The following MATN2 variants were observed in gnomAD, a reference collection of about 807,000 sequenced individuals.
MATN2 encodes matrilin-2.
Under a neutral mutation model 103.2 loss-of-function variants are expected in MATN2, and 69 were observed. The ratio of observed to expected loss-of-function variants is 0.67; its 90% CI spans 0.55 to 0.82. The LOEUF (loss-of-function observed/expected upper bound fraction) is 0.82. MATN2 is among the 40% of genes least tolerant of loss of function. The pLI is 0.00. For synonymous variants in MATN2, 429 were observed against 450.2 expected, an observed-to-expected ratio of 0.95 and a Z score of 0.60; for missense variants, 1,023 against 1,211.5, an observed-to-expected ratio of 0.84 and a Z score of 2.31.
chr8:97,992,745 C>CAAAAAAAAAAAAAAAA lies in MATN2; in HGVS notation c.1082-1725_1082-1710dup, dbSNP rs58985201. On this transcript the variant is annotated intron_variant, in intron 6 of 18. Coordinates refer to ENST00000254898, the MANE Select transcript of MATN2 (RefSeq NM_002380.5). Reference sequence around the variant, plus strand: ...TGGGTGTTAGAGTGAGACTCCATCTCAAAAAAAAAAAAAAAAAAAAAAAAA... The same window carrying CAAAAAAAAAAAAAAAA: ...TGGGTGTTAGAGTGAGACTCCATCTCAAAAAAAAAAAAAAAAAAAAAAAAAAAAAAAAAAAAAAAAA... 1.7e-3 allele frequency among the ~76,000 whole-genome samples: 86 copies of CAAAAAAAAAAAAAAAA among 49,574 alleles called. 2 individuals are homozygous for CAAAAAAAAAAAAAAAA. The highest frequency in any genetic ancestry group is 5.4e-3 in the African/African-American group (60 of 11,018). The allele number at this position is 49,574 out of a possible 152,430, so 32.5% of individuals were successfully genotyped here.
In MATN2 at chr8:97,887,999, C is replaced by G. The variant is rs970412453; in HGVS notation, c.-26-76C>G. On this transcript the variant is annotated intron_variant, in intron 1 of 18. Transcript: ENST00000254898. ...TTTGAACTCTGAAAAGGCGGGGCAG[C>G]GGGCCTGCAGCTCCTGGAGTTCAGG... The G allele has an allele frequency of 4.3e-6, 6 of 1,387,078 alleles. No homozygotes were observed. In the African/African-American group the frequency reaches 7.4e-5, roughly 17 times the overall value. The allele number at this position is 1,387,078 out of a possible 1,614,324, so 85.9% of individuals were successfully genotyped here.
At chr8:97,928,287 C>G (rs190538519) in intron 2 of MATN2, among the ~76,000 whole-genome samples, 139 of 142,566 alleles carry the variant, frequency 9.7e-4, no homozygotes, top group Non-Finnish European at 1.3e-3. Flanking sequence ...AGTGCAGTGG[C>G]GCCATCTCAG....
rs1810167820 is a variant in MATN2 at position 97,931,024 on chromosome 8, G to C, written c.214G>C (p.Asp72His). 2 of 1,614,012 alleles carry C rather than the reference G, an allele frequency of 1.2e-6. No individual in the cohort carries two copies. The highest frequency in any genetic ancestry group is 1.7e-6 in the Non-Finnish European group (2 of 1,179,890). The change falls in exon 3 of 19, where the codon GAC becomes CAC. Residue 72 changes from aspartate (D) to histidine (H), a missense_variant. Physicochemically the swap from Asp to His is moderately conservative, Grantham distance 81. Transcript: ENST00000254898. This position sits in a 1 kb window ranked among gnomAD's most constrained non-coding sequence, Gnocchi z 4.1. Reference sequence around the variant, plus strand: ...CAGCTCTCGCAGTGTCAACACCCATGACTATGCAAAGGTCAAGGAGTTCAT... The same window carrying C: ...CAGCTCTCGCAGTGTCAACACCCATCACTATGCAAAGGTCAAGGAGTTCAT... ...IDSSRSVNTH[D>H]YAKVKEFIVD... is the part of the protein sequence containing the mutation.
At chr8:97,918,212 C>A (rs1034153129) in intron 2 of MATN2, among the ~76,000 whole-genome samples, 1 of 152,186 alleles carries the variant, frequency 6.6e-6, no homozygotes, top group Non-Finnish European at 1.5e-5. Context: ...TTGTGCCTAT[C>A]GAATAATAAT....
At position 97,945,715 on chromosome 8, in the gene MATN2, A is replaced by ATATATATAT. The variant is rs554472078; in HGVS notation, c.835+3816_835+3817insTATATATAT. Among the ~76,000 whole-genome samples the ATATATATAT allele has an allele frequency of 3.8e-3, 270 of 71,738 alleles. 1 individual carries two copies. Among genetic ancestry groups the ATATATATAT allele is most frequent in the Admixed American group, 6.9e-3 (42 of 6,060 alleles). 47.1% of individuals were successfully genotyped at this position (71,738 alleles called of 152,430 possible). On this transcript the variant is annotated intron_variant, in intron 4 of 18. Transcript: ENST00000254898. Reference sequence around the variant, plus strand: ...CACATACACACTATAGAAAAAAAAAAAAATATATATATATATATATAATCT... The same window carrying ATATATATAT: ...CACATACACACTATAGAAAAAAAAAATATATATATAAATATATATATATATATATAATCT...
intron 6 of MATN2, among the ~76,000 whole-genome samples, chr8:97,992,579 C>A (rs2130350194): frequency 6.6e-6 from 1 of 151,662 alleles, no homozygotes; most frequent in African/African-American, 2.4e-5. Flanking sequence ...AACCCCATCT[C>A]CACTAAAAAT....
intron 13 of MATN2, 45 bp downstream of exon 13, chr8:98,021,372 G>T: frequency 6.3e-7 from 1 of 1,597,406 alleles, no homozygotes; most frequent in South Asian, 1.1e-5. Context: ...TTGTTTTGGA[G>T]CAACTGCTTT....
intron 2 of MATN2, among the ~76,000 whole-genome samples, chr8:97,917,332 T>C (rs2130094014): frequency 6.6e-6 from 1 of 152,318 alleles, no homozygotes; most frequent in East Asian, 1.9e-4. Context: ...TGTTCAAGGG[T>C]ACGCAGAGCA....
intron 1 of MATN2, among the ~76,000 whole-genome samples, chr8:97,877,580 C>T (rs150713258): frequency 1.3e-5 from 2 of 151,866 alleles, no homozygotes; most frequent in African/African-American, 2.4e-5. Flanking sequence ...CTCAGCCTCC[C>T]GAAGTGCTGG....
Position 97,964,140 on chromosome 8 carries a change from G to A in MATN2, c.958+2610G>A, listed in dbSNP as rs572256553. 2.6e-5 allele frequency among the ~76,000 whole-genome samples: 4 copies of A among 152,308 alleles called. No homozygotes were observed. The East Asian group carries it at 7.7e-4, about 29-fold the overall frequency. ...AGCATTAGGGCTAAGTCTGGCCTAG[G>A]AGTGGCAGGGCCAGCTCCTGGGAGC... On this transcript the variant is annotated intron_variant, in intron 5 of 18. Transcript: ENST00000254898.
chr8:97,931,344 C>T lies in MATN2; in HGVS notation c.534C>T (p.Ala178=), dbSNP rs577516271. The T allele has an allele frequency of 3.0e-5, 48 of 1,613,830 alleles. No homozygotes were observed. In the East Asian group the frequency reaches 4.0e-4, roughly 13 times the overall value. The change falls in exon 3 of 19, where the codon GCC becomes GCT. Residue 178 remains alanine, a synonymous_variant. Coordinates refer to ENST00000254898, the MANE Select transcript of MATN2 (RefSeq NM_002380.5). This position sits in a 1 kb window ranked among gnomAD's most constrained non-coding sequence, Gnocchi z 4.1. ...VTDGRPQDSV[A]EVAAKARDTG... ...ATGGGAGACCTCAGGACTCCGTGGC[C>T]GAGGTGGCTGCTAAGGCACGGGACA...
In MATN2 at chr8:97,967,568, C is replaced by A. The variant is rs550550537; in HGVS notation, c.958+6038C>A. Among the ~76,000 whole-genome samples, 31 of 152,330 alleles carry A rather than the reference C, an allele frequency of 2.0e-4. No individual in the cohort carries two copies. The East Asian group carries it at 5.4e-3, about 27-fold the overall frequency. On this transcript the variant is annotated intron_variant, in intron 5 of 18. Transcript: ENST00000254898. ...GCAATAGGACCATACAACTTTGAAACCCAGAAGGGCAGCCATTACATTTTA... is the reference window on the plus strand; with the variant it reads ...GCAATAGGACCATACAACTTTGAAAACCAGAAGGGCAGCCATTACATTTTA...
At chr8:97,987,360 C>G (rs1246147754) in intron 6 of MATN2, among the ~76,000 whole-genome samples, 2 of 152,138 alleles carry the variant, frequency 1.3e-5, no homozygotes, top group African/African-American at 4.8e-5. Context: ...GGGTGATGCG[C>G]TGATCTGTGC....
At chr8:97,886,148 T>C (rs1307237576) in intron 1 of MATN2, among the ~76,000 whole-genome samples, 2 of 152,186 alleles carry the variant, frequency 1.3e-5, no homozygotes, top group Non-Finnish European at 2.9e-5. Flanking sequence ...TAATGCCTGA[T>C]GACCTGTCAC....
At chr8:97,988,171 A>AAAAAT (rs1252963740) in intron 6 of MATN2, among the ~76,000 whole-genome samples, 1 of 46,106 alleles carries the variant, frequency 2.2e-5, no homozygotes, top group African/African-American at 1.3e-4. Context: ...AAAAAAAAAA[A>AAAAAT]ATATATATAT....
chr8:97,989,468 CA>C lies in MATN2; in HGVS notation c.1082-4997del, dbSNP rs34047188. On this transcript the variant is annotated intron_variant, in intron 6 of 18. Coordinates refer to ENST00000254898, the MANE Select transcript of MATN2 (RefSeq NM_002380.5). The stretch of plus-strand genomic sequence containing the variant: ...TGGGCAACAGAGCAAGACTCCATCT[CA>C]AAAAAAAAAAAAAACGGAATGAAGG... Among the ~76,000 whole-genome samples, 1,256 of 129,614 alleles carry C rather than the reference CA, an allele frequency of 9.7e-3. 10 individuals are homozygous for C. The highest frequency in any genetic ancestry group is 0.027 in the African/African-American group (923 of 33,784). The allele number at this position is 129,614 out of a possible 152,430, so 85.0% of individuals were successfully genotyped here. A position where few individuals can be genotyped will look rare whatever the true frequency, so the allele number is the denominator to read the frequency against.
At chr8:98,002,790 G>T (rs11784449) in intron 7 of MATN2, among the ~76,000 whole-genome samples, 72,767 of 151,938 alleles carry the variant, frequency 0.48, 18,276 homozygotes, top group Middle Eastern at 0.54. Flanking sequence ...TAGCTCACCT[G>T]GTTTCCTGAA....
intron 18 of MATN2, chr8:98,034,453 A>G (rs1814161738): frequency 7.3e-6 from 2 of 272,452 alleles, no homozygotes; most frequent in Admixed American, 7.9e-5. Flanking sequence ...CTTATGTAAT[A>G]AGGAACAACA....
intron 3 of MATN2, among the ~76,000 whole-genome samples, chr8:97,935,994 A>G (rs552230630): frequency 1.3e-5 from 2 of 152,222 alleles, no homozygotes; most frequent in African/African-American, 4.8e-5. Context: ...TGGCTGTACA[A>G]TCTTGAGCAC....
Sources: allele counts gnomAD v4.1 joint callset (sites outside exome capture counted in the v4.1 genomes callset), GRCh38; gene constraint gnomAD v4.1.1; non-coding constraint Gnocchi (gnomAD v3.1); transcripts MANE v1.5; gene names NCBI Gene and HGNC (gene_info 2026-07-23, HGNC 2026-07-21).